Variants in SPAST observed in about 807,000 individuals in gnomAD.
SPAST encodes spastin, also known as spastic paraplegia 4 (autosomal dominant; spastin).
Under a neutral mutation model 76.6 loss-of-function variants are expected in SPAST, and 30 were observed. The ratio of observed to expected loss-of-function variants is 0.39; its 90% CI spans 0.29 to 0.53. The LOEUF (loss-of-function observed/expected upper bound fraction) is 0.53, where lower values mean the gene tolerates loss of function less well. SPAST is among the 20% of genes least tolerant of loss of function. The probability of loss-of-function intolerance (pLI) is 0.68; values close to 1 mark genes in which losing one functional copy is unlikely to be tolerated. For synonymous variants in SPAST, 305 were observed against 281.0 expected (o/e 1.09, Z -0.86); for missense variants, 717 against 770.5 (o/e 0.93, Z 0.82).
intron 4 of SPAST, among the ~76,000 whole-genome samples, chr2:32,107,293 C>T (rs560799787): frequency 8.6e-4 from 131 of 151,898 alleles, no homozygotes; most frequent in Middle Eastern, 6.8e-3. Context: ...AGTGCGGTGG[C>T]GCAATCTTGG....
intron 14 of SPAST, among the ~76,000 whole-genome samples, 185 bp from the exon 15 acceptor site, chr2:32,144,752 G>A (rs1289622467): frequency 6.6e-6 from 1 of 152,114 alleles, no homozygotes; most frequent in Non-Finnish European, 1.5e-5. Context: ...AGCCAGGTGC[G>A]GTGGCGCATG....
At chr2:32,115,022 C>T (rs1467234373) in intron 5 of SPAST, among the ~76,000 whole-genome samples, 197 bp downstream of exon 5, 1 of 145,260 alleles carries the variant, frequency 6.9e-6, no homozygotes, top group Non-Finnish European at 1.5e-5. Context: ...GATCTCGGCT[C>T]ATTGCAACCT....
intron 4 of SPAST, among the ~76,000 whole-genome samples, chr2:32,110,609 CTA>C (rs1370125414): frequency 3.2e-5 from 4 of 124,668 alleles, no homozygotes; most frequent in Admixed American, 1.7e-4. Context: ...ACACTATATA[CTA>C]TATAGTGTAT....
At chr2:32,074,175 C>G (rs1676860456) in intron 1 of SPAST, among the ~76,000 whole-genome samples, 2 of 152,128 alleles carry the variant, frequency 1.3e-5, no homozygotes, top group South Asian at 4.1e-4. Flanking sequence ...CTACCAGGAG[C>G]TGCGAATAAT....
chr2:32,146,038 G>C (rs1192128418), intron 15 of SPAST, among the ~76,000 whole-genome samples: 1 of 152,152 alleles, frequency 6.6e-6, no homozygotes, highest in Admixed American at 6.6e-5. Context: ...TAGTGAAATA[G>C]GGTGCTGATT....
chr2:32,124,490 A>T (rs1372200293), intron 7 of SPAST, among the ~76,000 whole-genome samples: 3 of 149,400 alleles, frequency 2.0e-5, no homozygotes, highest in African/African-American at 7.3e-5. Context: ...AGACAGTTTG[A>T]CAGTTTCTTA....
At chr2:32,092,410 TGTG>T (rs1291898466) in intron 3 of SPAST, among the ~76,000 whole-genome samples, 2 of 152,210 alleles carry the variant, frequency 1.3e-5, no homozygotes, top group Non-Finnish European at 2.9e-5. Flanking sequence ...TAAATTTGAT[TGTG>T]GAGCATTTTG....
intron 15 of SPAST, among the ~76,000 whole-genome samples, chr2:32,146,851 C>CAAAAAAAAAAAAAAAAAAA (rs397984237): frequency 5.2e-5 from 1 of 19,224 alleles, no homozygotes; most frequent in Non-Finnish European, 1.1e-4. Context: ...GACTCTGTCT[C>CAAAAAAAAAAAAAAAAAAA]AAAAAAAAAA....
At chr2:32,088,282 C>T (rs1677573454) in intron 2 of SPAST, among the ~76,000 whole-genome samples, 1 of 152,202 alleles carries the variant, frequency 6.6e-6, no homozygotes. Flanking sequence ...ATCCTCCTGC[C>T]TCAGCTTTCC....
At chr2:32,133,780 A>C (rs1679446539) in intron 9 of SPAST, among the ~76,000 whole-genome samples, 1 of 151,266 alleles carries the variant, frequency 6.6e-6, no homozygotes, top group Non-Finnish European at 1.5e-5. Context: ...ATACTAGGGA[A>C]AAAAAAATCA....
chr2:32,094,086 A>G (rs1433080624), intron 3 of SPAST, among the ~76,000 whole-genome samples: 1 of 152,192 alleles, frequency 6.6e-6, no homozygotes, highest in Non-Finnish European at 1.5e-5. Context: ...AAAAGCTCCA[A>G]TTTTTAACCA....
intron 16 of SPAST, among the ~76,000 whole-genome samples, chr2:32,152,224 C>A (rs937087595): frequency 1.3e-5 from 2 of 152,062 alleles, no homozygotes; most frequent in African/African-American, 4.8e-5. Flanking sequence ...CATATATATA[C>A]ACATATCAAA....
chr2:32,066,686 A>G (rs969957938), intron 1 of SPAST, among the ~76,000 whole-genome samples: 4 of 150,942 alleles, frequency 2.7e-5, no homozygotes, highest in Non-Finnish European at 4.4e-5. Flanking sequence ...AAAGTAGGTC[A>G]TTTTTGGCTG....
At chr2:32,127,062 T>C in intron 8 of SPAST, 40 bp downstream of exon 8, 1 of 1,344,584 alleles carries the variant, frequency 7.4e-7, no homozygotes, top group Non-Finnish European at 1.1e-6. Context: ...TGTTGAGATA[T>C]TTGGGATAAT....
chr2:32,074,810 TTC>T (rs752799965), intron 1 of SPAST, among the ~76,000 whole-genome samples: 6 of 152,152 alleles, frequency 3.9e-5, no homozygotes, highest in South Asian at 2.1e-4. Flanking sequence ...CCTGGCCTGT[TTC>T]TTAGATTTGA....
chr2:32,093,921 A>G (rs907744526), intron 3 of SPAST, among the ~76,000 whole-genome samples: 1 of 152,132 alleles, frequency 6.6e-6, no homozygotes, highest in Admixed American at 6.6e-5. Flanking sequence ...TCTAAGGTTC[A>G]CTATCACTAA....
intron 16 of SPAST, among the ~76,000 whole-genome samples, chr2:32,150,951 C>CTTTTTTTTTTTTTTTTT (rs113065520): frequency 2.1e-5 from 3 of 143,346 alleles, no homozygotes; most frequent in Non-Finnish European, 4.5e-5. Context: ...CTACTGTATA[C>CTTTTTTTTTTTTTTTTT]TTTTTTTTTT....
In SPAST at chr2:32,136,588, G is replaced by A; in HGVS notation, c.1271G>A (p.Arg424Lys). 2 of 1,613,496 alleles carry A rather than the reference G, an allele frequency of 1.2e-6. No homozygotes were observed. The highest frequency in any genetic ancestry group is 1.7e-6 in the Non-Finnish European group (2 of 1,179,552). Residue 424 changes from arginine (R) to lysine (K), a missense_variant, in exon 10 of 17, where the codon AGG (arginine) becomes AAG (lysine). Transcript: ENST00000315285. ...KYVGEGEKLV[R>K]ALFAVARELQ... ...GTGGGAGAAGGAGAGAAATTGGTGAGGGCTCTTTTTGCTGTGGCTCGAGAA... is the reference window on the plus strand; with the variant it reads ...GTGGGAGAAGGAGAGAAATTGGTGAAGGCTCTTTTTGCTGTGGCTCGAGAA...
At chr2:32,092,965 C>A (rs1159467994) in intron 3 of SPAST, among the ~76,000 whole-genome samples, 1 of 150,956 alleles carries the variant, frequency 6.6e-6, no homozygotes, top group Admixed American at 6.6e-5. Context: ...CAAGATGGCA[C>A]CACTGCACTC....
Sources: allele counts gnomAD v4.1 joint callset (sites outside exome capture counted in the v4.1 genomes callset), GRCh38; gene constraint gnomAD v4.1.1; transcripts MANE v1.5; gene names NCBI Gene and HGNC (gene_info 2026-07-23, HGNC 2026-07-21).